The following ANKFN1 variants were observed in gnomAD, a reference collection of about 807,000 sequenced individuals.
The protein encoded by ANKFN1 is ankyrin repeat and fibronectin type III domain containing 1.
ANKFN1 carries 74 observed loss-of-function variants against 108.7 expected under a neutral mutation model. That is an observed-to-expected ratio of 0.68 (90% CI 0.56 to 0.83). ANKFN1 has a LOEUF of 0.83. Among genes scored for constraint, ANKFN1 ranks in the 40% least tolerant of loss-of-function variants. The pLI is 0.00. For missense variants in ANKFN1, 1,505 were observed against 1,382.3 expected (o/e 1.09, Z -1.41); for synonymous variants, 547 against 516.2 (o/e 1.06, Z -0.81).
At chr17:56,422,297 G>C (rs1159116629) in intron 8 of ANKFN1, among the ~76,000 whole-genome samples, 1 of 152,032 alleles carries the variant, frequency 6.6e-6, no homozygotes, top group African/African-American at 2.4e-5. Flanking sequence ...CCTTTTACTT[G>C]TAAATTGATT....
chr17:56,282,083 CA>C (rs2044097367), intron 3 of ANKFN1, among the ~76,000 whole-genome samples: 1 of 152,006 alleles, frequency 6.6e-6, no homozygotes, highest in African/African-American at 2.4e-5. Flanking sequence ...GAAAGCAACC[CA>C]AATATTTATC....
intron 4 of ANKFN1, among the ~76,000 whole-genome samples, chr17:56,146,126 A>C (rs940323934): frequency 6.6e-6 from 1 of 152,226 alleles, no homozygotes; most frequent in Non-Finnish European, 1.5e-5. Context: ...TTAAAGTTCC[A>C]GAATGATCCC....
intron 8 of ANKFN1, 92 bp downstream of exon 8, chr17:56,374,806 CTACTGATAGGAATGTTTT>C: frequency 9.8e-7 from 1 of 1,020,554 alleles, no homozygotes; most frequent in South Asian, 1.5e-5. Flanking sequence ...TTTGTTTTTC[CTACTGATAGGAATGTTTT>C]TATCCCATTG....
intron 14 of ANKFN1, among the ~76,000 whole-genome samples, chr17:56,461,865 TTATC>T (rs748656439): frequency 4.6e-4 from 70 of 152,244 alleles, no homozygotes; most frequent in Non-Finnish European, 7.8e-4. Flanking sequence ...GAGGGAAACT[TTATC>T]TAGCCAAAGG....
intron 11 of ANKFN1, among the ~76,000 whole-genome samples, chr17:56,454,212 G>C (rs528891216): frequency 6.6e-6 from 1 of 151,514 alleles, no homozygotes; most frequent in South Asian, 2.1e-4. Flanking sequence ...TACTTTCTTG[G>C]AGATTTCATC....
chr17:56,278,211 A>G (rs908815077), intron 3 of ANKFN1, among the ~76,000 whole-genome samples: 2 of 152,160 alleles, frequency 1.3e-5, no homozygotes, highest in African/African-American at 4.8e-5. Flanking sequence ...CTCTTTGCCA[A>G]TCTCTCTTCC....
chr17:56,332,060 T>C (rs956403031), intron 4 of ANKFN1, among the ~76,000 whole-genome samples: 1 of 152,148 alleles, frequency 6.6e-6, no homozygotes, highest in Non-Finnish European at 1.5e-5. Context: ...ACTGGTCCAA[T>C]GTTCTCCATT....
intron 18 of ANKFN1, among the ~76,000 whole-genome samples, chr17:56,486,140 G>A (rs1030443525): frequency 1.3e-5 from 2 of 152,096 alleles, no homozygotes; most frequent in African/African-American, 2.4e-5. Context: ...ATGAAAAATA[G>A]GCCATAGATC....
At chr17:56,202,301 C>T (rs748005056) in intron 1 of ANKFN1, among the ~76,000 whole-genome samples, 3 of 95,658 alleles carry the variant, frequency 3.1e-5, no homozygotes, top group African/African-American at 8.6e-5. Context: ...TTCTCCTCCT[C>T]AGCCTAGCCT....
chr17:56,424,347 T>C (rs2048493636), intron 8 of ANKFN1, among the ~76,000 whole-genome samples: 1 of 152,214 alleles, frequency 6.6e-6, no homozygotes, highest in African/African-American at 2.4e-5. Flanking sequence ...AAGGAGGCAC[T>C]GGATTTTGAA....
At chr17:56,500,453 A>G (rs544555394) in intron 20 of ANKFN1, among the ~76,000 whole-genome samples, 1 of 152,368 alleles carries the variant, frequency 6.6e-6, no homozygotes, top group South Asian at 2.1e-4. Context: ...CCACTGGGCT[A>G]GAGATACAAA....
intron 19 of ANKFN1, among the ~76,000 whole-genome samples, chr17:56,497,980 T>C (rs892765281): frequency 6.6e-6 from 1 of 152,160 alleles, no homozygotes; most frequent in Non-Finnish European, 1.5e-5. Flanking sequence ...TGGAAAACTT[T>C]CGTCATCTAT....
rs1275336498 is a variant in ANKFN1 at position 56,514,131 on chromosome 17, C to G, written c.*2862C>G. ...CTCTTTTTTTAATCCAATATGAGAG[C>G]CTCTGAAGGAAACTGTCCCAGGTCT... On this transcript the variant is annotated 3_prime_UTR_variant, in exon 21 of 21. Coordinates refer to ENST00000682825, the MANE Select transcript of ANKFN1 (RefSeq NM_001370326.1). Among the ~76,000 whole-genome samples the G allele has an allele frequency of 6.6e-6, 1 of 152,018 alleles. No individual in the cohort carries two copies. Among genetic ancestry groups the G allele is most frequent in the Non-Finnish European group, 1.5e-5 (1 of 67,996 alleles).
At chr17:56,425,276 G>A (rs893310356) in intron 8 of ANKFN1, among the ~76,000 whole-genome samples, 5 of 152,264 alleles carry the variant, frequency 3.3e-5, no homozygotes, top group African/African-American at 1.2e-4. Flanking sequence ...TGGGTAACAG[G>A]AAGTCAGGAA....
At chr17:56,100,610 T>G (rs1407520962) in intron 4 of ANKFN1, among the ~76,000 whole-genome samples, 1 of 152,134 alleles carries the variant, frequency 6.6e-6, no homozygotes, top group African/African-American at 2.4e-5. Context: ...TAAAGTTAAT[T>G]CCAGTGTTTT....
chr17:56,098,686 TC>T (rs968554887), intron 4 of ANKFN1, among the ~76,000 whole-genome samples: 28 of 152,208 alleles, frequency 1.8e-4, no homozygotes, highest in African/African-American at 6.8e-4. Context: ...ATGAAAGCCT[TC>T]CCCTTTAACT....
intron 4 of ANKFN1, among the ~76,000 whole-genome samples, chr17:56,093,897 A>G (rs1905468086): frequency 6.6e-6 from 1 of 151,378 alleles, no homozygotes. Context: ...CCAATACCTC[A>G]GAATGTAACC....
At chr17:56,121,061 C>T (rs1906586434) in intron 4 of ANKFN1, among the ~76,000 whole-genome samples, 1 of 152,088 alleles carries the variant, frequency 6.6e-6, no homozygotes, top group South Asian at 2.1e-4. Flanking sequence ...CGGAACTGCA[C>T]TTTGATCATA....
chr17:56,310,414 G>A (rs1446867046), intron 3 of ANKFN1, among the ~76,000 whole-genome samples: 4 of 152,130 alleles, frequency 2.6e-5, no homozygotes, highest in South Asian at 2.1e-4. Context: ...TCAGGAGATC[G>A]AGACCATCCT....
Sources: allele counts gnomAD v4.1 joint callset (sites outside exome capture counted in the v4.1 genomes callset), GRCh38; gene constraint gnomAD v4.1.1; transcripts MANE v1.5; gene names NCBI Gene and HGNC (gene_info 2026-07-23, HGNC 2026-07-21).